MINK1: variants seen among roughly 807,000 people sequenced by gnomAD.
The protein encoded by MINK1 is misshapen-like kinase 1.
In MINK1, 46 loss-of-function variants were observed where a neutral mutation model predicts 178.4. The observed-to-expected ratio is 0.26, with a 90% CI of 0.20 to 0.33. The LOEUF (loss-of-function observed/expected upper bound fraction) is 0.33, where lower values mean the gene tolerates loss of function less well. MINK1 is among the 10% of genes least tolerant of loss of function. The pLI is 1.00. For synonymous variants in MINK1, 797 were observed against 709.7 expected, an observed-to-expected ratio of 1.12 and a Z score of -1.96; for missense variants, 1,366 against 1,814.9, an observed-to-expected ratio of 0.75 and a Z score of 4.49.
At position 4,894,972 on chromosome 17, in the gene MINK1, C is replaced by T; in HGVS notation, c.2918-103C>T. On this transcript the variant is annotated intron_variant, in intron 24 of 31. Coordinates refer to ENST00000355280, the MANE Select transcript of MINK1 (RefSeq NM_153827.5). This position sits in a 1 kb window ranked among gnomAD's most constrained non-coding sequence, Gnocchi z 4.1. ...TCTCCTCCTGTCTTTCTCCTCCTTT[C>T]TGCGTATTATGAGGTGCCAAGACCT... 1 of 1,244,738 alleles carries T rather than the reference C, an allele frequency of 8.0e-7. No individual in the cohort carries two copies. Among genetic ancestry groups the T allele is most frequent in the Non-Finnish European group, 1.1e-6 (1 of 890,886 alleles). 77.1% of individuals were successfully genotyped at this position (1,244,738 alleles called of 1,614,324 possible). A position where few individuals can be genotyped will look rare whatever the true frequency, so the allele number is the denominator to read the frequency against.
intron 1 of MINK1, among the ~76,000 whole-genome samples, chr17:4,865,403 C>G (rs1313171122): frequency 2.0e-5 from 3 of 151,994 alleles, no homozygotes; most frequent in African/African-American, 4.8e-5. Context: ...CATTGCACTC[C>G]AGCCTGGGCA....
intron 1 of MINK1, among the ~76,000 whole-genome samples, chr17:4,867,173 G>A (rs1289483100): frequency 1.7e-5 from 2 of 116,066 alleles, no homozygotes; most frequent in South Asian, 5.2e-4. Flanking sequence ...TTTAAGCCAG[G>A]GTCTTGCTCT....
chr17:4,886,040 G>A lies in MINK1; in HGVS notation c.694+75G>A. 1.9e-6 allele frequency: 3 copies of A among 1,608,848 alleles called. No homozygotes were observed. The highest frequency in any genetic ancestry group is 2.6e-6 in the Non-Finnish European group (3 of 1,175,338). On this transcript the variant is annotated intron_variant, in intron 8 of 31. Transcript: ENST00000355280. This position sits in a 1 kb window ranked among gnomAD's most constrained non-coding sequence, Gnocchi z 6.1. ...AGAGAGTGGCTGTAGGGAGGAGGTGGGTCCTGGGACCCTGCCGAGGAAGGG... is the reference window on the plus strand; with the variant it reads ...AGAGAGTGGCTGTAGGGAGGAGGTGAGTCCTGGGACCCTGCCGAGGAAGGG...
intron 1 of MINK1, among the ~76,000 whole-genome samples, chr17:4,864,802 G>C (rs1195411769): frequency 6.6e-6 from 1 of 152,214 alleles, no homozygotes; most frequent in African/African-American, 2.4e-5. Context: ...TCCTAAAGTG[G>C]TAAAGATCAG....
intron 1 of MINK1, among the ~76,000 whole-genome samples, chr17:4,854,595 TC>T (rs1434385793): frequency 6.6e-6 from 1 of 152,188 alleles, no homozygotes; most frequent in Non-Finnish European, 1.5e-5. Context: ...GTCTCACACA[TC>T]CCTCTGGCAT....
At chr17:4,865,894 C>T (rs1208446239) in intron 1 of MINK1, among the ~76,000 whole-genome samples, 2 of 151,246 alleles carry the variant, frequency 1.3e-5, no homozygotes, top group Non-Finnish European at 2.9e-5. Flanking sequence ...GAACCTGTCT[C>T]AAAAAAGAAA....
In MINK1 at chr17:4,858,883, G is replaced by C. The variant is rs1291675956; in HGVS notation, c.58-19434G>C. On this transcript the variant is annotated intron_variant, in intron 1 of 31. Coordinates refer to ENST00000355280, the MANE Select transcript of MINK1 (RefSeq NM_153827.5). Reference sequence around the variant, plus strand: ...TTTGGAAGTACAAGGAGCTAGGAAAGGAGGGGTCTCTCCCAGACTAGAGAG... The same window carrying C: ...TTTGGAAGTACAAGGAGCTAGGAAACGAGGGGTCTCTCCCAGACTAGAGAG... 2.6e-5 allele frequency among the ~76,000 whole-genome samples: 4 copies of C among 152,318 alleles called. No individual in the cohort carries two copies. The East Asian group carries it at 7.7e-4, about 29-fold the overall frequency.
At chr17:4,891,195 C>CAT in intron 15 of MINK1, 71 bp downstream of exon 15, 3 of 1,054,226 alleles carry the variant, frequency 2.8e-6, no homozygotes, top group Non-Finnish European at 3.9e-6. Flanking sequence ...TACACACACA[C>CAT]GCGCGCACAC....
intron 1 of MINK1, among the ~76,000 whole-genome samples, chr17:4,869,361 C>G (rs1185568149): frequency 6.6e-6 from 1 of 151,918 alleles, no homozygotes; most frequent in Non-Finnish European, 1.5e-5. Context: ...ACTGTAACTT[C>G]CACCTCCCAG....
At chr17:4,869,678 G>A (rs1400997645) in intron 1 of MINK1, among the ~76,000 whole-genome samples, 1 of 151,558 alleles carries the variant, frequency 6.6e-6, no homozygotes, top group Non-Finnish European at 1.5e-5. Flanking sequence ...TGTCCATAGA[G>A]GCTGTACTAA....
intron 1 of MINK1, among the ~76,000 whole-genome samples, chr17:4,865,155 G>A (rs1360439536): frequency 6.6e-6 from 1 of 152,108 alleles, no homozygotes; most frequent in Admixed American, 6.6e-5. Context: ...ACTGGGCCGG[G>A]CGCGGTGGCT....
At chr17:4,872,095 C>T (rs1915925963) in intron 1 of MINK1, among the ~76,000 whole-genome samples, 3 of 152,042 alleles carry the variant, frequency 2.0e-5, no homozygotes, top group Non-Finnish European at 4.4e-5. Flanking sequence ...TTTGGGAGGC[C>T]GAGGTGGGCG....
Position 4,850,724 on chromosome 17 carries a change from C to T in MINK1, c.57+17084C>T, listed in dbSNP as rs1259706714. ...TTCTTGGTCATGAAGCTTCTCTAGT[C>T]TCTTCCTTGGGTTTGTGGACACCTG... On this transcript the variant is annotated intron_variant, in intron 1 of 31. Coordinates refer to ENST00000355280, the MANE Select transcript of MINK1 (RefSeq NM_153827.5). 7.2e-5 allele frequency among the ~76,000 whole-genome samples: 11 copies of T among 152,268 alleles called. No homozygotes were observed. The South Asian group carries it at 1.9e-3, about 26-fold the overall frequency.
At chr17:4,840,999 T>C (rs1910136877) in intron 1 of MINK1, among the ~76,000 whole-genome samples, 1 of 151,926 alleles carries the variant, frequency 6.6e-6, no homozygotes, top group South Asian at 2.1e-4. Context: ...AGAAACGTGG[T>C]GATAGTTGGC....
rs1291346629 is a variant in MINK1, at chr17:4,887,464, G to A, written c.1020-116G>A. On this transcript the variant is annotated intron_variant, in intron 11 of 31. Transcript: ENST00000355280. This position sits in a 1 kb window ranked among gnomAD's most constrained non-coding sequence, Gnocchi z 7.6. ...TAAGTCTCCTGGCCACCTGGGAGTGGCCAGAGGCAGAGGCTTTGATCCAGT... is the reference window on the plus strand; with the variant it reads ...TAAGTCTCCTGGCCACCTGGGAGTGACCAGAGGCAGAGGCTTTGATCCAGT... 2.0e-6 allele frequency: 2 copies of A among 1,020,004 alleles called. No individual in the cohort carries two copies. Among genetic ancestry groups the A allele is most frequent in the Non-Finnish European group, 2.8e-6 (2 of 708,244 alleles). The allele number at this position is 1,020,004 out of a possible 1,614,324, so 63.2% of individuals were successfully genotyped here.
Position 4,833,736 on chromosome 17 carries a change from C to T in MINK1, c.57+96C>T. The T allele has an allele frequency of 9.3e-7, 1 of 1,070,824 alleles. No individual in the cohort carries two copies. Among genetic ancestry groups the T allele is most frequent in the Non-Finnish European group, 1.3e-6 (1 of 790,116 alleles). 66.3% of individuals were successfully genotyped at this position (1,070,824 alleles called of 1,614,324 possible). On this transcript the variant is annotated intron_variant, in intron 1 of 31. Coordinates refer to ENST00000355280, the MANE Select transcript of MINK1 (RefSeq NM_153827.5). This position sits in a 1 kb window ranked among gnomAD's most constrained non-coding sequence, Gnocchi z 4.8. The stretch of plus-strand genomic sequence containing the variant: ...ACGCCTCACGTGCTCCCGGGCGCCC[C>T]CTCCACCAGCTTGGGTCCCCTTGGC...
rs1968623470 is a variant in MINK1 at position 4,890,028 on chromosome 17, C to T, written c.1347+265C>T. On this transcript the variant is annotated intron_variant, in intron 13 of 31. Coordinates refer to ENST00000355280, the MANE Select transcript of MINK1 (RefSeq NM_153827.5). ...CATCCCCCCTCATTCCCTGTGCCCT[C>T]TTCTTCCCCATCTGTGCCGCATGGC... 5.4e-6 allele frequency: 3 copies of T among 551,612 alleles called. No homozygotes were observed. In the South Asian group the frequency reaches 6.4e-5, roughly 12 times the overall value. The allele number at this position is 551,612 out of a possible 1,614,324, so 34.2% of individuals were successfully genotyped here.
Position 4,895,890 on chromosome 17 carries a change from T to C in MINK1, c.3364+58T>C. On this transcript the variant is annotated intron_variant, in intron 27 of 31. Coordinates refer to ENST00000355280, the MANE Select transcript of MINK1 (RefSeq NM_153827.5). This position sits in a 1 kb window ranked among gnomAD's most constrained non-coding sequence, Gnocchi z 4.3. ...ACTTGTTCATGAAGAGAGAAATGGA[T>C]CTGGGAGCCAGGGACTTGGGGCCTG... 4.4e-6 allele frequency: 7 copies of C among 1,592,120 alleles called. No homozygotes were observed. Among genetic ancestry groups the C allele is most frequent in the Non-Finnish European group, 6.0e-6 (7 of 1,167,720 alleles).
intron 1 of MINK1, among the ~76,000 whole-genome samples, chr17:4,845,043 C>T (rs576595257): frequency 6.6e-6 from 1 of 152,216 alleles, no homozygotes; most frequent in South Asian, 2.1e-4. Flanking sequence ...CCCCTGGCAC[C>T]CACCATTCTG....
Sources: allele counts gnomAD v4.1 joint callset (sites outside exome capture counted in the v4.1 genomes callset), GRCh38; gene constraint gnomAD v4.1.1; non-coding constraint Gnocchi (gnomAD v3.1); transcripts MANE v1.5; gene names NCBI Gene and HGNC (gene_info 2026-07-23, HGNC 2026-07-21).